CHCHD3: variants seen among roughly 807,000 people sequenced by gnomAD.
CHCHD3 encodes the protein coiled-coil-helix-coiled-coil-helix domain containing 3, also known as MICOS complex subunit MIC19.
CHCHD3 carries 20 observed loss-of-function variants against 38.2 expected under a neutral mutation model. The ratio of observed to expected loss-of-function variants is 0.52; its 90% CI spans 0.37 to 0.76. The LOEUF is 0.76. Ranked by LOEUF, CHCHD3 falls within the 30% of genes least tolerant of loss-of-function variation. CHCHD3 has a pLI of 0.00. For missense variants in CHCHD3, 245 were observed against 279.2 expected (o/e 0.88, Z 0.87); for synonymous variants, 82 against 100.0 (o/e 0.82, Z 1.07).
chr7:132,855,719 T>C (rs1808329845), intron 5 of CHCHD3, among the ~76,000 whole-genome samples: 1 of 152,114 alleles, frequency 6.6e-6, no homozygotes, highest in Non-Finnish European at 1.5e-5. Flanking sequence ...CTAAGAGCCC[T>C]GCAGTATTGC....
intron 2 of CHCHD3, among the ~76,000 whole-genome samples, chr7:133,053,174 T>C (rs943099537): frequency 2.0e-5 from 3 of 152,240 alleles, no homozygotes; most frequent in African/African-American, 7.2e-5. Flanking sequence ...CCTGTCACTC[T>C]TGGACATCAC....
chr7:133,013,542 ATTAC>A (rs1296874487), intron 3 of CHCHD3, among the ~76,000 whole-genome samples: 1 of 152,200 alleles, frequency 6.6e-6, no homozygotes, highest in Non-Finnish European at 1.5e-5. Context: ...ATTACAAATG[ATTAC>A]TTACTATTAC....
intron 3 of CHCHD3, among the ~76,000 whole-genome samples, chr7:133,008,319 C>T (rs1562936227): frequency 6.7e-6 from 1 of 150,114 alleles, no homozygotes; most frequent in Non-Finnish European, 1.5e-5. Flanking sequence ...GAACTGTCAC[C>T]AAATGTTCCC....
intron 4 of CHCHD3, among the ~76,000 whole-genome samples, chr7:132,937,306 A>C (rs1312217577): frequency 1.3e-5 from 2 of 152,214 alleles, no homozygotes; most frequent in Admixed American, 6.5e-5. Flanking sequence ...TCTTAGGTTT[A>C]ATAGCAACTC....
rs143497008 is a variant in CHCHD3, at chr7:133,000,699, C to T, written c.251+23847G>A. ...ATTAGAAAACTAAAAAGAATCAGGC[C>T]GAATTAATTTTAACCATGTATTTTA... On this transcript the variant is annotated intron_variant, in intron 3 of 7. Coordinates refer to ENST00000262570, the MANE Select transcript of CHCHD3 (RefSeq NM_017812.4). Among the ~76,000 whole-genome samples, 64 of 152,068 alleles carry T rather than the reference C, an allele frequency of 4.2e-4. 1 individual carries two copies. In the South Asian group the frequency reaches 8.7e-3, roughly 21 times the overall value.
At chr7:132,789,488 C>G (rs1806405926) in intron 7 of CHCHD3, among the ~76,000 whole-genome samples, 1 of 152,144 alleles carries the variant, frequency 6.6e-6, no homozygotes, top group Non-Finnish European at 1.5e-5. Flanking sequence ...CCCTGGAGAC[C>G]TGAGATTGCG....
chr7:133,029,437 T>G (rs1237135121), intron 2 of CHCHD3, among the ~76,000 whole-genome samples: 1 of 152,246 alleles, frequency 6.6e-6, no homozygotes, highest in African/African-American at 2.4e-5. Context: ...TCTTTTACTC[T>G]GCTTCCTAGA....
intron 4 of CHCHD3, among the ~76,000 whole-genome samples, chr7:132,911,372 G>A (rs1264257520): frequency 1.3e-5 from 2 of 152,122 alleles, no homozygotes; most frequent in African/African-American, 4.8e-5. Context: ...GAGCAGCAAA[G>A]ACCTTTCAGA....
At chr7:132,972,344 T>C (rs2117327004) in intron 4 of CHCHD3, among the ~76,000 whole-genome samples, 1 of 152,314 alleles carries the variant, frequency 6.6e-6, no homozygotes, top group East Asian at 1.9e-4. Flanking sequence ...AAAGAGTGTA[T>C]ACTATTATCT....
At chr7:132,959,198 T>C (rs1811251944) in intron 4 of CHCHD3, among the ~76,000 whole-genome samples, 1 of 152,144 alleles carries the variant, frequency 6.6e-6, no homozygotes, top group Non-Finnish European at 1.5e-5. Context: ...CCAAATGAGC[T>C]CTAACTCCCA....
chr7:132,838,917 GGT>G (rs1359191414), intron 5 of CHCHD3, among the ~76,000 whole-genome samples: 1 of 152,098 alleles, frequency 6.6e-6, no homozygotes, highest in Non-Finnish European at 1.5e-5. Context: ...TCATCAAGAT[GGT>G]ATGGCTCATG....
intron 6 of CHCHD3, among the ~76,000 whole-genome samples, chr7:132,811,856 C>T (rs1037468426): frequency 2.0e-5 from 3 of 152,108 alleles, no homozygotes; most frequent in Admixed American, 1.3e-4. Context: ...TTCTCTCTCC[C>T]CTCTCTCCAC....
intron 4 of CHCHD3, among the ~76,000 whole-genome samples, chr7:132,968,604 G>T (rs1811536031): frequency 6.6e-6 from 1 of 152,104 alleles, no homozygotes; most frequent in Non-Finnish European, 1.5e-5. Context: ...TTTAACAGAG[G>T]TTATAATCCA....
At chr7:132,865,837 T>G (rs1476760964) in intron 5 of CHCHD3, among the ~76,000 whole-genome samples, 1 of 152,150 alleles carries the variant, frequency 6.6e-6, no homozygotes, top group Admixed American at 6.5e-5. Context: ...TTCAGATTAT[T>G]GCTAACAGAC....
At chr7:132,842,081 G>C (rs1259892100) in intron 5 of CHCHD3, among the ~76,000 whole-genome samples, 1 of 151,860 alleles carries the variant, frequency 6.6e-6, no homozygotes, top group Non-Finnish European at 1.5e-5. Context: ...CTGGGCGACA[G>C]AGCAAGACTC....
At chr7:132,932,573 C>G (rs1810539676) in intron 4 of CHCHD3, among the ~76,000 whole-genome samples, 1 of 152,232 alleles carries the variant, frequency 6.6e-6, no homozygotes, top group Non-Finnish European at 1.5e-5. Context: ...TCCCACTGTT[C>G]CCCTTTAGTG....
At chr7:133,051,743 CAT>C (rs1277592537) in intron 2 of CHCHD3, among the ~76,000 whole-genome samples, 2 of 152,116 alleles carry the variant, frequency 1.3e-5, no homozygotes, top group African/African-American at 4.8e-5. Context: ...TGTTCACAGA[CAT>C]ATACAAATAA....
chr7:133,001,365 A>G (rs1363600528), intron 3 of CHCHD3, among the ~76,000 whole-genome samples: 1 of 152,182 alleles, frequency 6.6e-6, no homozygotes, highest in African/African-American at 2.4e-5. Context: ...CCAGCTGCAG[A>G]GATCCTTGGA....
intron 5 of CHCHD3, among the ~76,000 whole-genome samples, chr7:132,876,086 A>T (rs954649778): frequency 1.3e-5 from 2 of 152,214 alleles, no homozygotes; most frequent in African/African-American, 4.8e-5. Flanking sequence ...CCTTTAAAAA[A>T]TTTAATATTC....
Sources: gnomAD v4.1 joint callset for allele counts (sites outside exome capture counted in the v4.1 genomes callset) on GRCh38, gnomAD v4.1.1 for gene constraint, MANE v1.5 for transcripts, NCBI Gene and HGNC (gene_info 2026-07-23, HGNC 2026-07-21) for gene names.